CDH9: variants seen among roughly 807,000 people sequenced by gnomAD.
CDH9 encodes cadherin 9.
CDH9 carries 28 observed loss-of-function variants against 70.9 expected under a neutral mutation model. That is an observed-to-expected ratio of 0.40 (90% CI 0.29 to 0.54). The LOEUF (loss-of-function observed/expected upper bound fraction) is 0.54, where lower values mean the gene tolerates loss of function less well. Among genes scored for constraint, CDH9 ranks in the 20% least tolerant of loss-of-function variants. The probability of loss-of-function intolerance (pLI) is 0.59; values close to 1 mark genes in which losing one functional copy is unlikely to be tolerated. For synonymous variants in CDH9, 409 were observed against 343.1 expected (o/e 1.19, Z -2.12); for missense variants, 874 against 984.4 (o/e 0.89, Z 1.50).
Position 26,908,823 on chromosome 5 carries a change from G to T in CDH9, c.524-1985C>A, listed in dbSNP as rs568110040. On this transcript the variant is annotated intron_variant, in intron 3 of 11. Transcript: ENST00000231021. ...TTAAGAATGCTTTTAAACACTGGTAGTCACTGACAAAATATCATTGATATG... is the reference window on the plus strand; with the variant it reads ...TTAAGAATGCTTTTAAACACTGGTATTCACTGACAAAATATCATTGATATG... 3.3e-5 allele frequency among the ~76,000 whole-genome samples: 5 copies of T among 152,254 alleles called. No individual in the cohort carries two copies. The East Asian group carries it at 9.7e-4, about 29-fold the overall frequency.
intron 1 of CDH9, among the ~76,000 whole-genome samples, chr5:26,989,264 T>C (rs1938004668): frequency 6.6e-6 from 1 of 152,086 alleles, no homozygotes; most frequent in South Asian, 2.1e-4. Context: ...ATTGATTTTA[T>C]TTGTTATCAA....
intron 2 of CDH9, among the ~76,000 whole-genome samples, chr5:26,929,294 A>C (rs1741399138): frequency 6.6e-6 from 1 of 152,100 alleles, no homozygotes; most frequent in Admixed American, 6.6e-5. Flanking sequence ...ATGACATATC[A>C]TCTAATTCCA....
At chr5:26,961,709 C>A (rs922765460) in intron 2 of CDH9, among the ~76,000 whole-genome samples, 1 of 152,124 alleles carries the variant, frequency 6.6e-6, no homozygotes, top group African/African-American at 2.4e-5. Flanking sequence ...AACCTACCAA[C>A]CTGTATGCAA....
At position 26,881,471 on chromosome 5, in the gene CDH9, TCC is replaced by T; in HGVS notation, c.2033_2034del (p.Arg678LysfsTer9). The part of the protein sequence containing the change: ...DTQAFDIGTL[R>X]NPEAREDSKL... ...TTACTGTCTTCTCTTGCCTCTGGAT[TCC>T]TTAATGTGCCAATGTCAAAAGCTTG... On this transcript the variant is annotated frameshift_variant, in exon 12 of 12. Transcript: ENST00000231021. LOFTEE classifies it high-confidence loss of function. The T allele has an allele frequency of 6.2e-7, 1 of 1,613,846 alleles. No homozygotes were observed. The highest frequency in any genetic ancestry group is 8.5e-7 in the Non-Finnish European group (1 of 1,179,814).
chr5:26,903,542 G>T (rs1368929027), intron 6 of CDH9, 95 bp downstream of exon 6: 14 of 839,246 alleles, frequency 1.7e-5, no homozygotes, highest in Non-Finnish European at 1.9e-5. Flanking sequence ...GTAAAAGATG[G>T]GGGAAAATAA....
At chr5:26,881,683 C>G (rs1354376627) in intron 11 of CDH9, 60 bp from the exon 12 acceptor site, 1 of 1,458,960 alleles carries the variant, frequency 6.9e-7, no homozygotes, top group African/African-American at 1.4e-5. Context: ...ATAGAGTACA[C>G]TTCTGAGTGT....
chr5:26,974,012 A>G (rs1034580411), intron 2 of CDH9, among the ~76,000 whole-genome samples: 1 of 152,182 alleles, frequency 6.6e-6, no homozygotes, highest in Non-Finnish European at 1.5e-5. Context: ...TGGGAGGCCA[A>G]GGCAGGCAGA....
At chr5:26,903,025 A>G (rs928378740) in intron 6 of CDH9, 1 of 244,056 alleles carries the variant, frequency 4.1e-6, no homozygotes, top group Non-Finnish European at 7.8e-6. Flanking sequence ...TTTATACATT[A>G]TGTATTATCA....
intron 2 of CDH9, among the ~76,000 whole-genome samples, chr5:26,923,055 G>GTCT (rs1379175609): frequency 7.8e-6 from 1 of 128,754 alleles, no homozygotes; most frequent in African/African-American, 2.9e-5. Context: ...AAGACATAGT[G>GTCT]TAGTTACATG....
intron 2 of CDH9, among the ~76,000 whole-genome samples, chr5:26,954,384 C>CTTTTTTTTTTTTTTTT (rs141394776): frequency 5.4e-5 from 1 of 18,352 alleles, no homozygotes; most frequent in African/African-American, 1.3e-4. Flanking sequence ...ATTATACAGC[C>CTTTTTTTTTTTTTTTT]TTTCTTTTTT....
At chr5:27,034,739 ACCC>A in intron 1 of CDH9, among the ~76,000 whole-genome samples, 1 of 151,354 alleles carries the variant, frequency 6.6e-6, no homozygotes, top group Non-Finnish European at 1.5e-5. Context: ...GGCTCCAGAG[ACCC>A]TGCTTTTGTT....
chr5:27,012,941 G>C (rs1280497575), intron 1 of CDH9, among the ~76,000 whole-genome samples: 1 of 151,958 alleles, frequency 6.6e-6, no homozygotes, highest in East Asian at 1.9e-4. Flanking sequence ...AAATCTGTGG[G>C]AGGGTGAGTG....
In CDH9 at chr5:26,917,072, A is replaced by C. The variant is rs6882757; in HGVS notation, c.229-1148T>G. 7.7e-3 allele frequency among the ~76,000 whole-genome samples: 1,169 copies of C among 152,094 alleles called. 15 individuals carry two copies. Among genetic ancestry groups the C allele is most frequent in the African/African-American group, 0.027 (1,121 of 41,554 alleles). ...AATCCTAGGAATTACGAATTGAAAAACAACCTTAAAGATTTTACAATCCTA... is the reference window on the plus strand; with the variant it reads ...AATCCTAGGAATTACGAATTGAAAACCAACCTTAAAGATTTTACAATCCTA... On this transcript the variant is annotated intron_variant, in intron 2 of 11. Coordinates refer to ENST00000231021, the MANE Select transcript of CDH9 (RefSeq NM_016279.4).
chr5:26,886,382 A>G (rs1030878862), intron 9 of CDH9, among the ~76,000 whole-genome samples: 2 of 151,994 alleles, frequency 1.3e-5, no homozygotes, highest in Non-Finnish European at 2.9e-5. Flanking sequence ...TCCAATACCT[A>G]TCCTCTTTTG....
At chr5:26,924,545 AAGT>A (rs1252253977) in intron 2 of CDH9, among the ~76,000 whole-genome samples, 12 of 147,958 alleles carry the variant, frequency 8.1e-5, no homozygotes, top group African/African-American at 2.8e-4. Flanking sequence ...TATATAAAAT[AAGT>A]ATTTTATATA....
chr5:26,885,068 T>C (rs937834354), intron 11 of CDH9, among the ~76,000 whole-genome samples: 2 of 152,196 alleles, frequency 1.3e-5, no homozygotes, highest in African/African-American at 4.8e-5. Context: ...TTAACACATT[T>C]GCATGTTAGA....
In CDH9 at chr5:26,971,262, T is replaced by C. The variant is rs564914128; in HGVS notation, c.228+16844A>G. On this transcript the variant is annotated intron_variant, in intron 2 of 11. Transcript: ENST00000231021. Reference sequence around the variant, plus strand: ...AGGAGTGAAATGGCATGAGAGAAAATTAGGATTCACTCATCGGTCATATTA... The same window carrying C: ...AGGAGTGAAATGGCATGAGAGAAAACTAGGATTCACTCATCGGTCATATTA... Among the ~76,000 whole-genome samples the C allele has an allele frequency of 7.2e-5, 11 of 152,226 alleles. No individual in the cohort carries two copies. The South Asian group carries it at 1.0e-3, about 14-fold the overall frequency.
chr5:26,896,524 A>T (rs1001310922), intron 7 of CDH9, among the ~76,000 whole-genome samples: 1 of 135,556 alleles, frequency 7.4e-6, no homozygotes, highest in South Asian at 2.6e-4. Context: ...TGAAATGAAA[A>T]TTTCATTTCA....
intron 11 of CDH9, among the ~76,000 whole-genome samples, chr5:26,885,044 T>G (rs981992709): frequency 6.6e-6 from 1 of 152,226 alleles, no homozygotes. Context: ...AATGTCTAAC[T>G]TACTGTGACA....
Sources: allele counts gnomAD v4.1 joint callset (sites outside exome capture counted in the v4.1 genomes callset), GRCh38; gene constraint gnomAD v4.1.1; transcripts MANE v1.5; gene names NCBI Gene and HGNC (gene_info 2026-07-23, HGNC 2026-07-21).